Variants in GLRX3 observed in about 807,000 individuals in gnomAD.
The protein encoded by GLRX3 is glutaredoxin-3.
In GLRX3, 22 loss-of-function variants were observed where a neutral mutation model predicts 49.5. The observed-to-expected ratio is 0.44, with a 90% CI of 0.32 to 0.63. GLRX3 has a LOEUF of 0.63. GLRX3 is among the 30% of genes least tolerant of loss of function. GLRX3 has a pLI of 0.05. For synonymous variants in GLRX3, 133 were observed against 140.0 expected (o/e 0.95, Z 0.35); for missense variants, 385 against 396.3 (o/e 0.97, Z 0.24).
intron 2 of GLRX3, 141 bp downstream of exon 2, chr10:130,145,460 T>G (rs45503693): frequency 0.095 from 45,871 of 484,860 alleles, 2,549 homozygotes; most frequent in Middle Eastern, 0.15. Flanking sequence ...TTCAGTAGTT[T>G]GAGACCAGCC....
In GLRX3 at chr10:130,160,815, G is replaced by A. The variant is rs149808038; in HGVS notation, c.296G>A (p.Arg99Gln). ...LFFKNSQKID[R>Q]LDGAHAPELT... ...CTTTAGAATTCTCAGAAAATCGACC[G>A]ATTAGATGGTGCACATGCCCCAGAG... Residue 99 changes from arginine (R) to glutamine (Q), a missense_variant, in exon 4 of 11, where the codon CGA becomes CAA. This residue lies in a region of GLRX3 where 374 missense variants were observed against 358.6 expected (regional missense o/e 1.04). Transcript: ENST00000331244. 77 of 1,596,650 alleles carry A rather than the reference G, an allele frequency of 4.8e-5. No individual in the cohort carries two copies. In the Middle Eastern group the frequency reaches 8.3e-4, roughly 17 times the overall value.
intron 3 of GLRX3, 89 bp downstream of exon 3, chr10:130,160,158 G>T: frequency 2.6e-6 from 2 of 760,186 alleles, no homozygotes; most frequent in South Asian, 3.0e-5. Context: ...TCTAATCCCC[G>T]AATATTAGGT....
chr10:130,174,391 G>A (rs572034456), intron 8 of GLRX3, among the ~76,000 whole-genome samples: 1 of 152,252 alleles, frequency 6.6e-6, no homozygotes. Flanking sequence ...GTTAATGAAG[G>A]CTCGTGCAGA....
intron 1 of GLRX3, among the ~76,000 whole-genome samples, chr10:130,142,441 A>G (rs1862193308): frequency 6.6e-6 from 1 of 151,642 alleles, no homozygotes; most frequent in Non-Finnish European, 1.5e-5. Context: ...TCTGCTCTGG[A>G]TTTCCCCTCT....
At position 130,138,438 on chromosome 10, in the gene GLRX3, G is replaced by C. The variant is rs183472231; in HGVS notation, c.92+1926G>C. 5.1e-3 allele frequency among the ~76,000 whole-genome samples: 783 copies of C among 152,340 alleles called. 4 individuals carry two copies. Among genetic ancestry groups the C allele is most frequent in the Non-Finnish European group, 6.3e-3 (431 of 68,040 alleles). On this transcript the variant is annotated intron_variant, in intron 1 of 10. Coordinates refer to ENST00000331244, the MANE Select transcript of GLRX3 (RefSeq NM_006541.5). ...TAGTACTCTGATTTTGCAATGGAGA[G>C]TGCAGGTGAGATGGGGTGTTGCCTT...
At chr10:130,160,110 G>A (rs747037471) in intron 3 of GLRX3, 41 bp downstream of exon 3, 3 of 1,160,058 alleles carry the variant, frequency 2.6e-6, no homozygotes, top group African/African-American at 1.5e-5. Context: ...CATTTGTAGG[G>A]TGCCATGGGG....
chr10:130,169,313 A>G (rs942091495), intron 6 of GLRX3, 120 bp from the exon 7 acceptor site: 2 of 701,376 alleles, frequency 2.9e-6, no homozygotes, highest in African/African-American at 1.8e-5. Context: ...GTTTAATACC[A>G]CTCAAAGCTG....
At chr10:130,172,958 G>C (rs894263050) in intron 8 of GLRX3, among the ~76,000 whole-genome samples, 1 of 152,148 alleles carries the variant, frequency 6.6e-6, no homozygotes, top group Non-Finnish European at 1.5e-5. Context: ...AGATGTGGTT[G>C]TCGTCTTTAG....
intron 7 of GLRX3, among the ~76,000 whole-genome samples, 178 bp from the exon 8 acceptor site, chr10:130,171,406 G>A (rs763221232): frequency 2.0e-5 from 3 of 152,158 alleles, no homozygotes; most frequent in Non-Finnish European, 4.4e-5. Flanking sequence ...GTGTGCCTGG[G>A]TTGATGTGTA....
In GLRX3 at chr10:130,166,570, T is replaced by C. The variant is rs1445473254; in HGVS notation, c.542T>C (p.Ile181Thr). ...KHNIQFSSFD[I>T]FSDEEVRQGL... is the part of the protein sequence containing the mutation. ...AATATTCAGTTTAGCAGTTTTGATATCTTCTCAGATGAAGAGGTTCGACAG... is the reference window on the plus strand; with the variant it reads ...AATATTCAGTTTAGCAGTTTTGATACCTTCTCAGATGAAGAGGTTCGACAG... The change falls in exon 5 of 11, where the codon ATC becomes ACC. Residue 181 changes from isoleucine to threonine, a missense_variant. By Grantham distance (89) the Ile-to-Thr change is moderately conservative. Transcript: ENST00000331244. 6.2e-7 allele frequency: 1 copy of C among 1,611,438 alleles called. No homozygotes were observed. Among genetic ancestry groups the C allele is most frequent in the African/African-American group, 1.3e-5 (1 of 74,896 alleles).
In GLRX3 at chr10:130,166,996, G is replaced by A. The variant is rs757580053; in HGVS notation, c.713+16G>A. 7.0e-7 allele frequency: 1 copy of A among 1,424,952 alleles called. No homozygotes were observed. The highest frequency in any genetic ancestry group is 1.3e-5 in the South Asian group (1 of 79,636). 88.3% of individuals were successfully genotyped at this position (1,424,952 alleles called of 1,614,324 possible). On this transcript the variant is annotated intron_variant, in intron 6 of 10. Transcript: ENST00000331244. ...TAGAGGAAAGGTAAGTGTTTTAGAA[G>A]GTTTCAAATAGCCTATCATTTAATA...
intron 4 of GLRX3, among the ~76,000 whole-genome samples, chr10:130,166,244 CTT>C (rs58269012): frequency 1.4e-4 from 19 of 139,462 alleles, no homozygotes; most frequent in African/African-American, 3.7e-4. Flanking sequence ...ACACACACCA[CTT>C]TTTTTTTTTT....
At chr10:130,158,535 G>A (rs1564993658) in intron 2 of GLRX3, among the ~76,000 whole-genome samples, 1 of 152,138 alleles carries the variant, frequency 6.6e-6, no homozygotes, top group Non-Finnish European at 1.5e-5. Flanking sequence ...TAGTACTGAA[G>A]GAAGGGCCCT....
chr10:130,164,270 G>A (rs1246941153), intron 4 of GLRX3, among the ~76,000 whole-genome samples: 1 of 152,236 alleles, frequency 6.6e-6, no homozygotes, highest in Non-Finnish European at 1.5e-5. Flanking sequence ...TTTAGGAAGA[G>A]TTTCCAGAAG....
intron 2 of GLRX3, among the ~76,000 whole-genome samples, chr10:130,155,986 G>A (rs544590797): frequency 1.3e-5 from 2 of 152,308 alleles, no homozygotes; most frequent in African/African-American, 4.8e-5. Context: ...TGAGGACAGG[G>A]CAGCAGCCAT....
intron 10 of GLRX3, among the ~76,000 whole-genome samples, chr10:130,178,566 T>G (rs1354295160): frequency 6.6e-6 from 1 of 152,018 alleles, no homozygotes; most frequent in Non-Finnish European, 1.5e-5. Context: ...ATTACTTCAT[T>G]CTTCAACCTT....
chr10:130,165,319 T>C (rs1332492292), intron 4 of GLRX3, among the ~76,000 whole-genome samples: 3 of 152,028 alleles, frequency 2.0e-5, no homozygotes, highest in African/African-American at 7.2e-5. Context: ...GAAAGAAAAA[T>C]ACTTTTTTTT....
At chr10:130,136,791 C>T (rs1167907086) in intron 1 of GLRX3, among the ~76,000 whole-genome samples, 1 of 152,096 alleles carries the variant, frequency 6.6e-6, no homozygotes, top group African/African-American at 2.4e-5. Flanking sequence ...TGTCCAAGCC[C>T]GGGGGACGCG....
chr10:130,144,565 T>C (rs1172598705), intron 1 of GLRX3, among the ~76,000 whole-genome samples: 8 of 152,186 alleles, frequency 5.3e-5, no homozygotes, highest in Non-Finnish European at 1.2e-4. Flanking sequence ...AATGTTTGTT[T>C]TTCTGTTCCT....
Sources: gnomAD v4.1 joint callset for allele counts (sites outside exome capture counted in the v4.1 genomes callset) on GRCh38, gnomAD v4.1.1 for gene constraint, gnomAD v4.1.1 regional missense constraint, MANE v1.5 for transcripts, NCBI Gene and HGNC (gene_info 2026-07-23, HGNC 2026-07-21) for gene names.